CALN1: variants seen among roughly 807,000 people sequenced by gnomAD.
CALN1 encodes the protein calcium-binding protein 8.
CALN1 carries 17 observed loss-of-function variants against 30.6 expected under a neutral mutation model. That is an observed-to-expected ratio of 0.56 (90% CI 0.38 to 0.83). The LOEUF (loss-of-function observed/expected upper bound fraction) is 0.83. Among genes scored for constraint, CALN1 ranks in the 40% least tolerant of loss-of-function variants. CALN1 has a pLI of 0.00. For synonymous variants in CALN1, 156 were observed against 131.4 expected (o/e 1.19, Z -1.28); for missense variants, 291 against 354.9 (o/e 0.82, Z 1.45).
chr7:72,030,465 CT>C (rs1373079082), intron 4 of CALN1, among the ~76,000 whole-genome samples: 2 of 152,194 alleles, frequency 1.3e-5, no homozygotes, highest in Non-Finnish European at 2.9e-5. Context: ...GAAATGACCT[CT>C]TTACCAGATT....
intron 4 of CALN1, among the ~76,000 whole-genome samples, chr7:72,028,627 A>T (rs923098216): frequency 6.6e-6 from 1 of 152,224 alleles, no homozygotes; most frequent in Admixed American, 6.5e-5. Context: ...CTAGTCATTT[A>T]GGAGAGGACG....
intron 2 of CALN1, among the ~76,000 whole-genome samples, chr7:72,306,311 G>C (rs1382381462): frequency 1.3e-5 from 2 of 152,168 alleles, no homozygotes; most frequent in East Asian, 3.9e-4. Context: ...ATCCTGAAGA[G>C]ATTAAGTAAG....
rs115334921 is a variant in CALN1, at chr7:71,819,704, T to C, written c.502-9212A>G. On this transcript the variant is annotated intron_variant, in intron 5 of 6. Transcript: ENST00000395275. ...CACCACTCTATTTTTTGTTTCTCTGTGTCTTTGACTTTTTTAGGTACCTTA... is the reference window on the plus strand; with the variant it reads ...CACCACTCTATTTTTTGTTTCTCTGCGTCTTTGACTTTTTTAGGTACCTTA... 5.0e-3 allele frequency among the ~76,000 whole-genome samples: 757 copies of C among 152,324 alleles called. 4 individuals are homozygous for C. Among genetic ancestry groups the C allele is most frequent in the African/African-American group, 0.017 (712 of 41,584 alleles).
chr7:72,335,546 C>G (rs892900503), intron 2 of CALN1, among the ~76,000 whole-genome samples: 3 of 152,176 alleles, frequency 2.0e-5, no homozygotes, highest in Non-Finnish European at 4.4e-5. Flanking sequence ...CCACACACAG[C>G]CGGCGCTAAG....
chr7:71,971,871 AG>A (rs1369058483), intron 5 of CALN1, among the ~76,000 whole-genome samples: 1 of 144,670 alleles, frequency 6.9e-6, no homozygotes. Flanking sequence ...CTCCATTCAC[AG>A]TCACTCCAAA....
chr7:72,133,733 AATC>A (rs2129542989), intron 3 of CALN1, among the ~76,000 whole-genome samples: 1 of 152,332 alleles, frequency 6.6e-6, no homozygotes, highest in Non-Finnish European at 1.5e-5. Context: ...TAATGGGTCA[AATC>A]ACCCCTACAT....
intron 3 of CALN1, among the ~76,000 whole-genome samples, chr7:72,216,363 T>C (rs1792813409): frequency 1.3e-5 from 2 of 151,932 alleles, no homozygotes; most frequent in South Asian, 2.1e-4. Flanking sequence ...AAGTCTGAGC[T>C]ATGATTGTAC....
chr7:71,882,279 T>C (rs1352647868), intron 5 of CALN1, among the ~76,000 whole-genome samples: 1 of 152,214 alleles, frequency 6.6e-6, no homozygotes, highest in African/African-American at 2.4e-5. Flanking sequence ...TTCTCACGTC[T>C]TCTCTCTATC....
intron 4 of CALN1, among the ~76,000 whole-genome samples, chr7:72,049,728 G>A (rs1462140391): frequency 2.6e-5 from 4 of 151,844 alleles, no homozygotes; most frequent in Non-Finnish European, 4.4e-5. Context: ...GGCTGGTCTC[G>A]AACTCCTGAC....
At chr7:72,362,048 A>T (rs1803605073) in intron 2 of CALN1, among the ~76,000 whole-genome samples, 1 of 152,194 alleles carries the variant, frequency 6.6e-6, no homozygotes, top group African/African-American at 2.4e-5. Flanking sequence ...ATCTTGGTAA[A>T]TAGCATATAT....
rs1298264777 is a variant in CALN1 at position 71,868,373 on chromosome 7, T to A, written c.502-57881A>T. On this transcript the variant is annotated intron_variant, in intron 5 of 6. Transcript: ENST00000395275. Reference sequence around the variant, plus strand: ...AGAGGGGAGGAAGTGCTACACACTTTTTTTTTTTTTTTTTTTGAGACGGAG... The same window carrying A: ...AGAGGGGAGGAAGTGCTACACACTTATTTTTTTTTTTTTTTTGAGACGGAG... 3.4e-3 allele frequency among the ~76,000 whole-genome samples: 484 copies of A among 140,902 alleles called. 1 individual carries two copies. The highest frequency in any genetic ancestry group is 0.011 in the African/African-American group (376 of 33,456). 92.4% of individuals were successfully genotyped at this position (140,902 alleles called of 152,430 possible). A position where few individuals can be genotyped will look rare whatever the true frequency, so the allele number is the denominator to read the frequency against.
chr7:72,143,768 G>A (rs1471624611), intron 3 of CALN1, among the ~76,000 whole-genome samples: 1 of 152,226 alleles, frequency 6.6e-6, no homozygotes, highest in Non-Finnish European at 1.5e-5. Context: ...CAGACTAACA[G>A]CTGATCTCTC....
rs1434301325 is a variant in CALN1 at position 71,787,025 on chromosome 7, C to G, written c.*750G>C. ...CTTCTTTTTTTCTCTAATGGCAGCACAGGCGGCAAAGCTGGGAGAAAGGCT... is the reference window on the plus strand; with the variant it reads ...CTTCTTTTTTTCTCTAATGGCAGCAGAGGCGGCAAAGCTGGGAGAAAGGCT... On this transcript the variant is annotated 3_prime_UTR_variant, in exon 7 of 7. Transcript: ENST00000395275. 1 of 152,690 alleles carries G rather than the reference C, an allele frequency of 6.5e-6. No homozygotes were observed. Among genetic ancestry groups the G allele is most frequent in the Non-Finnish European group, 1.5e-5 (1 of 68,098 alleles). 9.5% of individuals were successfully genotyped at this position (152,690 alleles called of 1,614,324 possible).
chr7:71,987,490 G>C (rs1213429700), intron 5 of CALN1, among the ~76,000 whole-genome samples: 1 of 152,240 alleles, frequency 6.6e-6, no homozygotes, highest in Admixed American at 6.5e-5. Context: ...AGCAGAAAGG[G>C]AGGGGCCCAT....
intron 4 of CALN1, among the ~76,000 whole-genome samples, chr7:72,024,890 T>C (rs1032825997): frequency 1.3e-5 from 2 of 152,220 alleles, no homozygotes; most frequent in African/African-American, 4.8e-5. Flanking sequence ...GAATTCTCTT[T>C]CTCTAAGACG....
At chr7:72,294,576 C>A (rs1562850938) in intron 2 of CALN1, among the ~76,000 whole-genome samples, 1 of 151,932 alleles carries the variant, frequency 6.6e-6, no homozygotes, top group Non-Finnish European at 1.5e-5. Flanking sequence ...ACAGCGAAAC[C>A]TCATCTCTAT....
intron 1 of CALN1, among the ~76,000 whole-genome samples, chr7:72,445,494 G>T (rs1808500977): frequency 1.3e-5 from 2 of 152,100 alleles, no homozygotes; most frequent in Admixed American, 1.3e-4. Flanking sequence ...TAACCAGCAT[G>T]ACCAAGGCCT....
At chr7:72,103,103 T>C (rs1331131875) in intron 4 of CALN1, 2 of 138,870 alleles carry the variant, frequency 1.4e-5, no homozygotes, top group Admixed American at 7.2e-5. Flanking sequence ...AAAAAGGAAG[T>C]GCAAGGTTTC....
intron 2 of CALN1, among the ~76,000 whole-genome samples, chr7:72,348,105 A>G (rs1802739245): frequency 6.6e-6 from 1 of 152,186 alleles, no homozygotes; most frequent in Admixed American, 6.5e-5. Flanking sequence ...TGGACAACAG[A>G]GCGAGATTCT....
Sources: allele counts gnomAD v4.1 joint callset (sites outside exome capture counted in the v4.1 genomes callset), GRCh38; gene constraint gnomAD v4.1.1; transcripts MANE v1.5; gene names NCBI Gene and HGNC (gene_info 2026-07-23, HGNC 2026-07-21).